NCKAP5: variants seen among roughly 807,000 people sequenced by gnomAD.
NCKAP5 encodes NCK associated protein 5, also known as nck-associated protein 5.
Under a neutral mutation model 167.0 loss-of-function variants are expected in NCKAP5, and 92 were observed. The observed-to-expected ratio is 0.55, with a 90% confidence interval of 0.47 to 0.66. The LOEUF (loss-of-function observed/expected upper bound fraction) is 0.66, where lower values mean the gene tolerates loss of function less well. Among genes scored for constraint, NCKAP5 ranks in the 30% least tolerant of loss-of-function variants. The pLI is 0.00. For missense variants in NCKAP5, 2,378 were observed against 2,315.0 expected (o/e 1.03, Z -0.56); for synonymous variants, 891 against 877.4 (o/e 1.02, Z -0.27).
chr2:132,876,752 C>T (rs956762331), intron 9 of NCKAP5, among the ~76,000 whole-genome samples: 2 of 152,338 alleles, frequency 1.3e-5, no homozygotes, highest in African/African-American at 2.4e-5. Context: ...AACAGAGGAA[C>T]ACGCCCTCTA....
chr2:133,475,242 C>T (rs1216524137), intron 3 of NCKAP5, among the ~76,000 whole-genome samples: 1 of 152,178 alleles, frequency 6.6e-6, no homozygotes, highest in Non-Finnish European at 1.5e-5. Flanking sequence ...CATAAGTTTG[C>T]AACTATAGTG....
chr2:133,315,787 G>C (rs542238948), intron 3 of NCKAP5, among the ~76,000 whole-genome samples: 1 of 152,138 alleles, frequency 6.6e-6, no homozygotes, highest in African/African-American at 2.4e-5. Flanking sequence ...TTAGCGGCCC[G>C]ACAAAAACAG....
chr2:133,473,106 G>C (rs1368090611), intron 3 of NCKAP5, among the ~76,000 whole-genome samples: 1 of 152,156 alleles, frequency 6.6e-6, no homozygotes, highest in African/African-American at 2.4e-5. Flanking sequence ...GGCCAAGGCG[G>C]GTGGATCATG....
At chr2:133,249,258 G>C (rs2088173125) in intron 4 of NCKAP5, among the ~76,000 whole-genome samples, 1 of 152,156 alleles carries the variant, frequency 6.6e-6, no homozygotes, top group South Asian at 2.1e-4. Flanking sequence ...AATTAACAAA[G>C]GTCCTTGTGA....
At position 133,039,991 on chromosome 2, in the gene NCKAP5, A is replaced by C. The variant is rs79731313; in HGVS notation, c.342-45752T>G. Among the ~76,000 whole-genome samples the C allele has an allele frequency of 4.1e-3, 622 of 152,334 alleles. 5 individuals carry two copies. The highest frequency in any genetic ancestry group is 0.015 in the African/African-American group (603 of 41,582). On this transcript the variant is annotated intron_variant, in intron 6 of 19. Coordinates refer to ENST00000409261, the MANE Select transcript of NCKAP5 (RefSeq NM_207363.3). ...AAACATATCCTTCATTTGGAAGATC[A>C]ATGTTTTGATATTACTTTCTCCAAA...
chr2:132,697,151 G>A (rs1168186932), intron 19 of NCKAP5, among the ~76,000 whole-genome samples: 4 of 133,972 alleles, frequency 3.0e-5, no homozygotes, highest in African/African-American at 1.1e-4. Flanking sequence ...GTCTCTCTAA[G>A]TGCTGGGATT....
chr2:132,728,246 C>A (rs2105449515), intron 18 of NCKAP5, among the ~76,000 whole-genome samples: 1 of 152,192 alleles, frequency 6.6e-6, no homozygotes, highest in South Asian at 2.1e-4. Flanking sequence ...GCAAGGAGTC[C>A]CTGAGCCAGA....
intron 3 of NCKAP5, among the ~76,000 whole-genome samples, chr2:133,406,604 G>C (rs1162452162): frequency 1.3e-5 from 2 of 148,396 alleles, no homozygotes; most frequent in Non-Finnish European, 3.0e-5. Flanking sequence ...GAGGGAGGGA[G>C]GGAGGGAGGG....
intron 5 of NCKAP5, among the ~76,000 whole-genome samples, chr2:133,170,345 T>C (rs1357302527): frequency 6.6e-6 from 1 of 152,116 alleles, no homozygotes; most frequent in Non-Finnish European, 1.5e-5. Flanking sequence ...TGCAACTGGG[T>C]GTTAATAACC....
chr2:133,320,787 A>C (rs13414823), intron 3 of NCKAP5, among the ~76,000 whole-genome samples: 32,371 of 152,082 alleles, frequency 0.21, 3,485 homozygotes, highest in African/African-American at 0.25. Flanking sequence ...CCACTTGTAG[A>C]CCACTCCCAT....
intron 12 of NCKAP5, 109 bp downstream of exon 12, chr2:132,796,519 G>T: frequency 4.7e-6 from 3 of 635,888 alleles, no homozygotes; most frequent in Non-Finnish European, 8.3e-6. Context: ...ATTTTTATCT[G>T]CCTGACAATG....
At chr2:132,864,166 G>A (rs2148731907) in intron 10 of NCKAP5, among the ~76,000 whole-genome samples, 1 of 152,214 alleles carries the variant, frequency 6.6e-6, no homozygotes, top group South Asian at 2.1e-4. Flanking sequence ...TCAAGGGAGA[G>A]GCTGTACTAT....
chr2:132,817,280 G>A (rs1224996134), intron 11 of NCKAP5, among the ~76,000 whole-genome samples: 2 of 152,108 alleles, frequency 1.3e-5, no homozygotes, highest in Non-Finnish European at 2.9e-5. Flanking sequence ...TATGTTGATC[G>A]ATGTTGGCTC....
chr2:132,995,565 C>A (rs934893010), intron 6 of NCKAP5, among the ~76,000 whole-genome samples: 3 of 151,690 alleles, frequency 2.0e-5, no homozygotes, highest in Non-Finnish European at 4.4e-5. Flanking sequence ...ACAGGAGAAT[C>A]GCTTGAACCT....
chr2:133,619,918 C>G, the NCKAP5 span, among the ~76,000 whole-genome samples: 1 of 152,082 alleles, frequency 6.6e-6, no homozygotes, highest in South Asian at 2.1e-4. Flanking sequence ...AGCAGAAACC[C>G]TACAAGCTAC....
intron 3 of NCKAP5, among the ~76,000 whole-genome samples, chr2:133,320,604 C>T (rs10182402): frequency 0.19 from 28,953 of 151,850 alleles, 2,811 homozygotes; most frequent in Non-Finnish European, 0.21. Context: ...GGTGGGCACC[C>T]GTAGTCCCAG....
chr2:133,439,414 G>GCT (rs747081188), intron 3 of NCKAP5, among the ~76,000 whole-genome samples: 249 of 152,276 alleles, frequency 1.6e-3, no homozygotes, highest in Middle Eastern at 3.4e-3. Flanking sequence ...TGAAAAAGAT[G>GCT]TCGGGGGCAA....
chr2:132,846,327 CT>C (rs964683312), intron 11 of NCKAP5, among the ~76,000 whole-genome samples: 1 of 151,002 alleles, frequency 6.6e-6, no homozygotes, highest in Non-Finnish European at 1.5e-5. Context: ...CATGGTGACT[CT>C]TTTTTTTTGA....
At chr2:132,823,000 A>T (rs1686867781) in intron 11 of NCKAP5, among the ~76,000 whole-genome samples, 1 of 152,184 alleles carries the variant, frequency 6.6e-6, no homozygotes, top group African/African-American at 2.4e-5. Context: ...AATCAGACAA[A>T]GACAATGAAA....
Sources: gnomAD v4.1 joint callset for allele counts (sites outside exome capture counted in the v4.1 genomes callset) on GRCh38, gnomAD v4.1.1 for gene constraint, MANE v1.5 for transcripts, NCBI Gene and HGNC (gene_info 2026-07-23, HGNC 2026-07-21) for gene names.